The following ZNF587 variants were observed in gnomAD, a reference collection of about 807,000 sequenced individuals.
ZNF587 encodes the protein zinc finger protein 587, also known as zinc finger protein zfp6.
Under a neutral mutation model 7.5 loss-of-function variants are expected in ZNF587, and 8 were observed. That is an observed-to-expected ratio of 1.06 (90% CI 0.62 to 1.92). ZNF587 has a LOEUF of 1.92. Ranked by LOEUF, ZNF587 falls within the 40% of genes most tolerant of loss-of-function variation. The pLI is 0.00. For synonymous variants in ZNF587, 145 were observed against 237.8 expected (o/e 0.61, Z 3.59); for missense variants, 468 against 692.8 (o/e 0.68, Z 3.64).
chr19:57,857,739 A>G (rs2071380186), intron 2 of ZNF587, among the ~76,000 whole-genome samples: 1 of 151,802 alleles, frequency 6.6e-6, no homozygotes, highest in South Asian at 2.1e-4. Flanking sequence ...GGTTCAAGCG[A>G]TTCTCCTGCC....
chr19:57,856,345 C>G, intron 2 of ZNF587, 112 bp downstream of exon 2: 1 of 1,486,206 alleles, frequency 6.7e-7, no homozygotes, highest in Non-Finnish European at 9.0e-7. Context: ...GTTCCTTCTG[C>G]ACTTCTCTGT....
chr19:57,852,913 C>T (rs914579998), intron 1 of ZNF587, among the ~76,000 whole-genome samples: 2 of 123,460 alleles, frequency 1.6e-5, no homozygotes, highest in African/African-American at 6.3e-5. Context: ...AGTCTAGTGG[C>T]ACAATCTCAG....
intron 2 of ZNF587, chr19:57,858,187 G>A (rs1202886406): frequency 1.7e-5 from 3 of 180,140 alleles, no homozygotes; most frequent in South Asian, 1.1e-4. Context: ...GTGCAGTGGC[G>A]TAATCACTGC....
intron 1 of ZNF587, 177 bp from the exon 2 acceptor site, chr19:57,855,927 G>T (rs1032674564): frequency 1.8e-6 from 2 of 1,106,834 alleles, no homozygotes; most frequent in South Asian, 3.3e-5. Context: ...CCTACTTCTT[G>T]TTGCTGATGG....
At chr19:57,855,557 CT>C (rs1025898932) in intron 1 of ZNF587, among the ~76,000 whole-genome samples, 2 of 144,796 alleles carry the variant, frequency 1.4e-5, no homozygotes, top group African/African-American at 2.6e-5. Context: ...GGGGTGTGGG[CT>C]TTTTTTGTTT....
rs974540632 is a variant in ZNF587, at chr19:57,864,908, T to C, written c.*4768T>C. On this transcript the variant is annotated 3_prime_UTR_variant, in exon 3 of 3. Transcript: ENST00000339656. ...TGCCATCGCACTCTAGCCTGGGGAA[T>C]AGAGTGAGATCCTGCCTCAAAAAAA... 3 of 152,252 alleles carry C rather than the reference T, an allele frequency of 2.0e-5. No individual in the cohort carries two copies. The highest frequency in any genetic ancestry group is 3.4e-3 in the Middle Eastern group (1 of 294). The allele number at this position is 152,252 out of a possible 1,614,324, so 9.4% of individuals were successfully genotyped here.
rs200546820 is a variant in ZNF587 at position 57,860,184 on chromosome 19, G to A, written c.*44G>A. ...ATCGTTTGCTGAAGCATCCCGTCTCGTTAAACACAGGAGAGTTCATACTGG... is the reference window on the plus strand; with the variant it reads ...ATCGTTTGCTGAAGCATCCCGTCTCATTAAACACAGGAGAGTTCATACTGG... On this transcript the variant is annotated 3_prime_UTR_variant, in exon 3 of 3. Coordinates refer to ENST00000339656, the MANE Select transcript of ZNF587 (RefSeq NM_032828.4). 1.3e-4 allele frequency: 215 copies of A among 1,613,784 alleles called. No homozygotes were observed. Among genetic ancestry groups the A allele is most frequent in the Admixed American group, 7.7e-4 (46 of 59,990 alleles).
Position 57,860,078 on chromosome 19 carries a change from A to G in ZNF587, c.1666A>G (p.Thr556Ala), listed in dbSNP as rs758315275. 3.7e-6 allele frequency: 6 copies of G among 1,613,432 alleles called. No individual in the cohort carries two copies. In the South Asian group the frequency reaches 5.5e-5, roughly 15 times the overall value. Residue 556 changes from threonine to alanine, a missense_variant, in exon 3 of 3, where the codon ACA (threonine) becomes GCA (alanine). Transcript: ENST00000339656. ...TTATGAATGCACCAAATGTGGAAAA[A>G]CATTTCAGCGAAGCTCTACCCTCCT... is the stretch of plus-strand genomic sequence containing the variant. Reference protein sequence around the residue: ...RPYECTKCGKTFQRSSTLLHH... With the variant: ...RPYECTKCGKAFQRSSTLLHH...
intron 1 of ZNF587, chr19:57,852,364 A>T: frequency 2.5e-6 from 1 of 398,652 alleles, no homozygotes; most frequent in Non-Finnish European, 4.4e-6. Flanking sequence ...TACAGGCTTC[A>T]TCTGGCTGGA....
At chr19:57,854,230 AGAG>A (rs1043839091) in intron 1 of ZNF587, 2 of 152,114 alleles carry the variant, frequency 1.3e-5, no homozygotes, top group African/African-American at 4.8e-5. Context: ...TTAGGTGGAC[AGAG>A]GAGGGTTGCT....
rs140338597 is a variant in ZNF587 at position 57,856,457 on chromosome 19, G to A, written c.163+224G>A. ...GTGTCTCGCTCTGTCACCCAGGCTGGAGTACAGCGGCGCCATCTCGGCTCA... is the reference window on the plus strand; with the variant it reads ...GTGTCTCGCTCTGTCACCCAGGCTGAAGTACAGCGGCGCCATCTCGGCTCA... On this transcript the variant is annotated intron_variant, in intron 2 of 2. Coordinates refer to ENST00000339656, the MANE Select transcript of ZNF587 (RefSeq NM_032828.4). Among the ~76,000 whole-genome samples, 1,175 of 151,330 alleles carry A rather than the reference G, an allele frequency of 7.8e-3. 10 individuals carry two copies. Among genetic ancestry groups the A allele is most frequent in the Non-Finnish European group, 0.013 (863 of 67,886 alleles).
At position 57,860,469 on chromosome 19, in the gene ZNF587, A is replaced by C. The variant is rs563531374; in HGVS notation, c.*329A>C. 5.6e-6 allele frequency: 2 copies of C among 357,228 alleles called. No individual in the cohort carries two copies. The highest frequency in any genetic ancestry group is 1.0e-5 in the Non-Finnish European group (2 of 191,988). The allele number at this position is 357,228 out of a possible 1,614,324, so 22.1% of individuals were successfully genotyped here. On this transcript the variant is annotated 3_prime_UTR_variant, in exon 3 of 3. Coordinates refer to ENST00000339656, the MANE Select transcript of ZNF587 (RefSeq NM_032828.4). ...TTTTTAGTGGAGATGGGGTTTTACC[A>C]TGTTGGCCAGGCTGGTCTCAAACTC...
In ZNF587 at chr19:57,862,399, G is replaced by A. The variant is rs546334715; in HGVS notation, c.*2259G>A. On this transcript the variant is annotated 3_prime_UTR_variant, in exon 3 of 3. Transcript: ENST00000339656. ...CTACTCAATACCCATTGAGATTTAT[G>A]TGTTCTGAGGCTTTTGTCTTCTAGC... 3 of 152,126 alleles carry A rather than the reference G, an allele frequency of 2.0e-5. No individual in the cohort carries two copies. In the South Asian group the frequency reaches 6.2e-4, roughly 32 times the overall value. 9.4% of individuals were successfully genotyped at this position (152,126 alleles called of 1,614,324 possible). A position where few individuals can be genotyped will look rare whatever the true frequency, so the allele number is the denominator to read the frequency against.
At chr19:57,851,865 A>T (rs1408398670) in intron 1 of ZNF587, 1 of 153,100 alleles carries the variant, frequency 6.5e-6, no homozygotes, top group Non-Finnish European at 1.5e-5. Context: ...TTTGTAGATC[A>T]CATAGATGGT....
chr19:57,853,019 A>C (rs2071302145), intron 1 of ZNF587, among the ~76,000 whole-genome samples: 1 of 150,052 alleles, frequency 6.7e-6, no homozygotes, highest in Non-Finnish European at 1.5e-5. Context: ...CACTCGGCTA[A>C]TTTTTCTATT....
chr19:57,863,223 TCTC>T lies in ZNF587; in HGVS notation c.*3086_*3088del, dbSNP rs1239008993. 1.3e-5 allele frequency: 2 copies of T among 152,278 alleles called. No homozygotes were observed. The highest frequency in any genetic ancestry group is 4.8e-5 in the African/African-American group (2 of 41,462). The allele number at this position is 152,278 out of a possible 1,614,324, so 9.4% of individuals were successfully genotyped here. ...CTTCTACCTCCTGGATTCAAGCACT[TCTC>T]CTTGCCTCAGCCACCTCTTTAGCTG... On this transcript the variant is annotated 3_prime_UTR_variant, in exon 3 of 3. Coordinates refer to ENST00000339656, the MANE Select transcript of ZNF587 (RefSeq NM_032828.4).
At chr19:57,852,422 G>C in intron 1 of ZNF587, 1 of 398,754 alleles carries the variant, frequency 2.5e-6, no homozygotes, top group Non-Finnish European at 4.4e-6. Context: ...AAAGGTCAGA[G>C]ATAAGGCTCC....
Position 57,852,840 on chromosome 19 carries a change from C to CTTTTTTTTTTTT in ZNF587, c.33+2788_33+2799dup, listed in dbSNP as rs35543941. The stretch of plus-strand genomic sequence containing the variant: ...AATGCGCCCAGCCGAGACAGCTAGG[C>CTTTTTTTTTTTT]TTTTTTTTTTTTTTTTTTTTTTTTT... On this transcript the variant is annotated intron_variant, in intron 1 of 2. Coordinates refer to ENST00000339656, the MANE Select transcript of ZNF587 (RefSeq NM_032828.4). Among the ~76,000 whole-genome samples the CTTTTTTTTTTTT allele has an allele frequency of 3.6e-4, 9 of 25,286 alleles. 3 individuals carry two copies. Among genetic ancestry groups the CTTTTTTTTTTTT allele is most frequent in the African/African-American group, 1.7e-3 (9 of 5,338 alleles). The allele number at this position is 25,286 out of a possible 152,430, so 16.6% of individuals were successfully genotyped here. A position where few individuals can be genotyped will look rare whatever the true frequency, so the allele number is the denominator to read the frequency against.
At chr19:57,850,606 G>A in intron 1 of ZNF587, 1 of 401,584 alleles carries the variant, frequency 2.5e-6, no homozygotes, top group Non-Finnish European at 4.4e-6. Context: ...GGGGAAACCA[G>A]CCCCACACCA....
Sources: allele counts gnomAD v4.1 joint callset (sites outside exome capture counted in the v4.1 genomes callset), GRCh38; gene constraint gnomAD v4.1.1; transcripts MANE v1.5; gene names NCBI Gene and HGNC (gene_info 2026-07-23, HGNC 2026-07-21).